Variants in SPOCK1 observed in about 807,000 individuals in gnomAD.
SPOCK1 encodes the protein testican-1.
A neutral mutation model predicts 55.3 loss-of-function variants in SPOCK1; 23 were observed. That is an observed-to-expected ratio of 0.42 (90% confidence interval 0.30 to 0.59). The LOEUF (loss-of-function observed/expected upper bound fraction) is 0.59. Ranked by LOEUF, SPOCK1 falls within the 20% of genes least tolerant of loss-of-function variation. The pLI is 0.22. For synonymous variants in SPOCK1, 226 were observed against 221.0 expected (o/e 1.02, Z -0.20); for missense variants, 499 against 552.5 (o/e 0.90, Z 0.97).
At chr5:137,316,221 A>G (rs1023087893) in intron 2 of SPOCK1, among the ~76,000 whole-genome samples, 1 of 152,252 alleles carries the variant, frequency 6.6e-6, no homozygotes, top group African/African-American at 2.4e-5. Context: ...CTCTTTTATA[A>G]GAGTCATAAT....
chr5:137,446,358 C>T (rs1753127284), intron 2 of SPOCK1, among the ~76,000 whole-genome samples: 1 of 152,062 alleles, frequency 6.6e-6, no homozygotes, highest in Non-Finnish European at 1.5e-5. Context: ...GTTTGGATCT[C>T]CAGAGAGCTG....
At chr5:137,233,487 A>G (rs2096110943) in intron 3 of SPOCK1, among the ~76,000 whole-genome samples, 1 of 152,106 alleles carries the variant, frequency 6.6e-6, no homozygotes, top group African/African-American at 2.4e-5. Flanking sequence ...ATGGGGAGTG[A>G]CTGTAAATAC....
chr5:137,413,356 CA>C (rs1177286096), intron 2 of SPOCK1, among the ~76,000 whole-genome samples: 5 of 152,022 alleles, frequency 3.3e-5, no homozygotes, highest in African/African-American at 4.8e-5. Context: ...TGAGCAAAAA[CA>C]AAAAACCACA....
intron 3 of SPOCK1, among the ~76,000 whole-genome samples, chr5:137,231,193 C>T (rs1345074058): frequency 2.0e-5 from 3 of 152,110 alleles, no homozygotes; most frequent in African/African-American, 7.2e-5. Flanking sequence ...TATAGGCATG[C>T]GCCACCACAA....
chr5:137,327,850 G>A (rs1285090206), intron 2 of SPOCK1, among the ~76,000 whole-genome samples: 2 of 152,158 alleles, frequency 1.3e-5, no homozygotes, highest in Non-Finnish European at 2.9e-5. Context: ...TTCTAGAGTG[G>A]GCCTTCCTAA....
chr5:137,068,890 T>C (rs148987210), intron 5 of SPOCK1, among the ~76,000 whole-genome samples: 22 of 152,324 alleles, frequency 1.4e-4, no homozygotes, highest in Middle Eastern at 3.4e-3. Context: ...CGGTGTGTAA[T>C]CAGTCCTCTG....
At position 137,004,381 on chromosome 5, in the gene SPOCK1, C is replaced by T. The variant is rs191552716; in HGVS notation, c.590-11781G>A. On this transcript the variant is annotated intron_variant, in intron 6 of 10. Transcript: ENST00000394945. ...GCTTGCTTGGGTGTACGACTTACTA[C>T]TCTTCTCACTCTTCAGGTCATGCAA... Among the ~76,000 whole-genome samples the T allele has an allele frequency of 3.3e-5, 5 of 152,158 alleles. No homozygotes were observed. In the East Asian group the frequency reaches 9.7e-4, roughly 29 times the overall value.
At chr5:137,006,465 C>A (rs944718563) in intron 6 of SPOCK1, among the ~76,000 whole-genome samples, 10 of 152,080 alleles carry the variant, frequency 6.6e-5, no homozygotes, top group Non-Finnish European at 1.5e-4. Context: ...CTCTTTGTAG[C>A]AATTGTGAAT....
chr5:137,102,196 G>A (rs1323416696), intron 5 of SPOCK1, among the ~76,000 whole-genome samples: 1 of 152,108 alleles, frequency 6.6e-6, no homozygotes, highest in Admixed American at 6.5e-5. Flanking sequence ...TTGGGATGAA[G>A]AGGTTCATGT....
intron 2 of SPOCK1, among the ~76,000 whole-genome samples, chr5:137,495,103 C>A (rs1273113803): frequency 6.6e-6 from 1 of 152,180 alleles, no homozygotes; most frequent in Non-Finnish European, 1.5e-5. Flanking sequence ...AACTAACAGA[C>A]CACAAATACA....
Position 136,988,545 on chromosome 5 carries a change from T to A in SPOCK1, c.805A>T (p.Ile269Phe). The A allele has an allele frequency of 1.2e-6, 2 of 1,614,124 alleles. No homozygotes were observed. The highest frequency in any genetic ancestry group is 1.7e-6 in the Non-Finnish European group (2 of 1,180,008). ...TACTTATCCAGGTAGATGGCATTGATCTCTGAAGGGTCAAGCAGGAGGTCA... is the reference window on the plus strand; with the variant it reads ...TACTTATCCAGGTAGATGGCATTGAACTCTGAAGGGTCAAGCAGGAGGTCA... ...NYDLLLDPSE[I>F]NAIYLDKYEP... Residue 269 changes from isoleucine (I) to phenylalanine (F), a missense_variant, in exon 8 of 11, where the codon ATC (isoleucine) becomes TTC (phenylalanine). Ile to Phe is a conservative substitution (Grantham distance 21). Transcript: ENST00000394945.
chr5:137,411,800 A>G (rs1239407262), intron 2 of SPOCK1, among the ~76,000 whole-genome samples: 3 of 152,232 alleles, frequency 2.0e-5, no homozygotes, highest in African/African-American at 4.8e-5. Flanking sequence ...GCAATGGATA[A>G]TGACAGCTCT....
intron 2 of SPOCK1, among the ~76,000 whole-genome samples, chr5:137,332,392 C>T (rs191169886): frequency 2.6e-5 from 4 of 152,332 alleles, no homozygotes; most frequent in East Asian, 3.9e-4. Flanking sequence ...TCTCCCACCC[C>T]GAGAACTCTG....
At chr5:137,498,691 G>C (rs1377145485) in intron 1 of SPOCK1, 133 bp from the exon 2 acceptor site, 2 of 672,776 alleles carry the variant, frequency 3.0e-6, no homozygotes, top group Non-Finnish European at 3.9e-6. Flanking sequence ...CGCGCACCTG[G>C]GGCGCCTGTC....
chr5:137,264,411 C>A (rs918039100), intron 3 of SPOCK1, among the ~76,000 whole-genome samples: 6 of 152,112 alleles, frequency 3.9e-5, no homozygotes, highest in Admixed American at 2.6e-4. Flanking sequence ...ACCTTTCTGA[C>A]TACACTATTA....
At chr5:137,008,642 T>G (rs1751296763) in intron 6 of SPOCK1, among the ~76,000 whole-genome samples, 1 of 152,100 alleles carries the variant, frequency 6.6e-6, no homozygotes, top group African/African-American at 2.4e-5. Flanking sequence ...AAATGCTACA[T>G]ACCCTGTCAA....
intron 3 of SPOCK1, among the ~76,000 whole-genome samples, chr5:137,231,981 T>A (rs753953147): frequency 6.6e-6 from 1 of 152,244 alleles, no homozygotes; most frequent in Non-Finnish European, 1.5e-5. Flanking sequence ...TTCATGTTCT[T>A]ACATGCCATC....
At chr5:137,457,065 T>C (rs575784121) in intron 2 of SPOCK1, among the ~76,000 whole-genome samples, 134 of 152,290 alleles carry the variant, frequency 8.8e-4, no homozygotes, top group African/African-American at 3.0e-3. Flanking sequence ...TGATATTCAG[T>C]AGAGAATAAA....
intron 2 of SPOCK1, among the ~76,000 whole-genome samples, chr5:137,437,246 G>C (rs1752884210): frequency 6.7e-5 from 1 of 15,030 alleles, no homozygotes; most frequent in Non-Finnish European, 4.4e-4. Flanking sequence ...ACTTCAGTTT[G>C]GGACAGAAAT....
Sources: gnomAD v4.1 joint callset for allele counts (sites outside exome capture counted in the v4.1 genomes callset) on GRCh38, gnomAD v4.1.1 for gene constraint, MANE v1.5 for transcripts, NCBI Gene and HGNC (gene_info 2026-07-23, HGNC 2026-07-21) for gene names.